Variants in ADAMTSL1 observed in about 807,000 individuals in gnomAD.
The protein encoded by ADAMTSL1 is ADAMTS-like protein 1.
ADAMTSL1 carries 126 observed loss-of-function variants against 201.8 expected under a neutral mutation model. The observed-to-expected ratio is 0.62, with a 90% CI of 0.54 to 0.72. The LOEUF is 0.72. Among genes scored for constraint, ADAMTSL1 ranks in the 30% least tolerant of loss-of-function variants. ADAMTSL1 has a pLI of 0.00. For missense variants in ADAMTSL1, 2,679 were observed against 2,277.8 expected, an observed-to-expected ratio of 1.18 and a Z score of -3.59; for synonymous variants, 1,121 against 903.4, an observed-to-expected ratio of 1.24 and a Z score of -4.32.
intron 2 of ADAMTSL1, among the ~76,000 whole-genome samples, chr9:18,422,607 C>CTT (rs1587150138): frequency 1.3e-5 from 2 of 152,272 alleles, no homozygotes; most frequent in East Asian, 3.9e-4. Context: ...CCTCCGTGTC[C>CTT]TTTTACCATC....
chr9:18,605,840 G>T (rs372518223), intron 4 of ADAMTSL1, among the ~76,000 whole-genome samples: 1 of 152,154 alleles, frequency 6.6e-6, no homozygotes, highest in Non-Finnish European at 1.5e-5. Flanking sequence ...GTATAAAGGT[G>T]CTTTGATATT....
intron 2 of ADAMTSL1, among the ~76,000 whole-genome samples, chr9:18,325,709 A>G (rs1342301568): frequency 1.3e-5 from 2 of 151,246 alleles, no homozygotes; most frequent in Non-Finnish European, 2.9e-5. Context: ...TAAGCTAGCT[A>G]GGTGTTGCCT....
At position 18,659,677 on chromosome 9, in the gene ADAMTSL1, G is replaced by C. The variant is rs553666918; in HGVS notation, c.946+1927G>C. On this transcript the variant is annotated intron_variant, in intron 8 of 28. Coordinates refer to ENST00000380548, the MANE Select transcript of ADAMTSL1 (RefSeq NM_001040272.6). The stretch of plus-strand genomic sequence containing the variant: ...AGCTACTTGGGAGGCTGAGGCATGA[G>C]AATTGCTTGAAACCAGGAGGCAGAG... 2.6e-5 allele frequency among the ~76,000 whole-genome samples: 4 copies of C among 152,284 alleles called. No homozygotes were observed. In the South Asian group the frequency reaches 8.3e-4, roughly 32 times the overall value.
chr9:18,754,042 A>G (rs934557685), intron 16 of ADAMTSL1, among the ~76,000 whole-genome samples: 42 of 152,232 alleles, frequency 2.8e-4, no homozygotes, highest in African/African-American at 8.7e-4. Context: ...ACAGGGGTTG[A>G]CAAACTGCAG....
chr9:18,886,166 GTATATATATATATATATATA>G lies in ADAMTSL1; in HGVS notation c.4250-1638_4250-1619del, dbSNP rs751978972. 3.2e-4 allele frequency among the ~76,000 whole-genome samples: 12 copies of G among 37,146 alleles called. No homozygotes were observed. In the South Asian group the frequency reaches 3.9e-3, roughly 12 times the overall value. The allele number at this position is 37,146 out of a possible 152,430, so 24.4% of individuals were successfully genotyped here. A position where few individuals can be genotyped will look rare whatever the true frequency, so the allele number is the denominator to read the frequency against. On this transcript the variant is annotated intron_variant, in intron 23 of 28. Transcript: ENST00000380548. ...TATATATACATGTGAGTGTGTATGTGTATATATATATATATATATATATATATATATATATATATATATAT... is the reference window on the plus strand; with the variant it reads ...TATATATACATGTGAGTGTGTATGTGTATATATATATATATATATATATAT...
intron 2 of ADAMTSL1, among the ~76,000 whole-genome samples, chr9:18,522,599 C>A (rs1048824111): frequency 2.2e-5 from 3 of 137,632 alleles, no homozygotes; most frequent in African/African-American, 8.6e-5. Flanking sequence ...CCTCCCCACA[C>A]CCCATGACAG....
At chr9:18,658,405 G>A (rs1404861543) in intron 8 of ADAMTSL1, among the ~76,000 whole-genome samples, 1 of 152,206 alleles carries the variant, frequency 6.6e-6, no homozygotes, top group African/African-American at 2.4e-5. Context: ...TGTGGTTGAA[G>A]TAAAGTCATC....
chr9:18,845,017 TC>T (rs1466600623), intron 23 of ADAMTSL1, among the ~76,000 whole-genome samples: 1 of 152,196 alleles, frequency 6.6e-6, no homozygotes, highest in East Asian at 1.9e-4. Flanking sequence ...TCGCCCTGCT[TC>T]GGCTCATGCA....
chr9:18,897,610 C>T (rs1354675728), intron 26 of ADAMTSL1, among the ~76,000 whole-genome samples: 5 of 152,192 alleles, frequency 3.3e-5, no homozygotes, highest in Non-Finnish European at 7.3e-5. Context: ...GATCCCCCAG[C>T]AAACTGCAGC....
intron 2 of ADAMTSL1, among the ~76,000 whole-genome samples, chr9:18,530,957 G>A (rs554910076): frequency 3.7e-4 from 56 of 152,248 alleles, no homozygotes; most frequent in African/African-American, 1.3e-3. Context: ...GTCTAGATGG[G>A]ATGCTACCAA....
chr9:17,916,751 C>T (rs1450202045), intron 1 of ADAMTSL1, among the ~76,000 whole-genome samples: 2 of 152,160 alleles, frequency 1.3e-5, no homozygotes, highest in Non-Finnish European at 2.9e-5. Context: ...CTTTGTTCTT[C>T]ATATTTCAAG....
intron 23 of ADAMTSL1, 65 bp from the exon 24 acceptor site, chr9:18,887,766 C>G: frequency 1.4e-6 from 2 of 1,411,704 alleles, no homozygotes; most frequent in Non-Finnish European, 2.0e-6. Flanking sequence ...AGACAGTAAA[C>G]CAGTGCACCA....
intron 4 of ADAMTSL1, among the ~76,000 whole-genome samples, chr9:18,582,458 G>A (rs1823161006): frequency 6.6e-6 from 1 of 152,200 alleles, no homozygotes; most frequent in Admixed American, 6.5e-5. Flanking sequence ...TGTTGTGGGA[G>A]GAACCCGGTG....
At chr9:18,646,219 T>C (rs1827801665) in intron 7 of ADAMTSL1, among the ~76,000 whole-genome samples, 2 of 152,062 alleles carry the variant, frequency 1.3e-5, no homozygotes, top group African/African-American at 4.8e-5. Flanking sequence ...AGAATGCTTG[T>C]GATTTTTGTA....
intron 4 of ADAMTSL1, among the ~76,000 whole-genome samples, chr9:18,607,064 T>G (rs1176805199): frequency 6.6e-6 from 1 of 152,150 alleles, no homozygotes; most frequent in Non-Finnish European, 1.5e-5. Context: ...TAAGCCTTGC[T>G]CTTAACACAC....
At chr9:18,104,468 C>T (rs144410880) in intron 1 of ADAMTSL1, among the ~76,000 whole-genome samples, 21 of 152,158 alleles carry the variant, frequency 1.4e-4, no homozygotes, top group Non-Finnish European at 2.6e-4. Context: ...CTGCCAGCTT[C>T]CAGTCACCAC....
chr9:18,164,923 T>A (rs1402835606), intron 2 of ADAMTSL1, among the ~76,000 whole-genome samples: 2 of 151,878 alleles, frequency 1.3e-5, no homozygotes, highest in African/African-American at 4.8e-5. Flanking sequence ...TTTTTGTCAT[T>A]TACATTTTTT....
intron 7 of ADAMTSL1, among the ~76,000 whole-genome samples, chr9:18,648,384 T>A (rs373800595): frequency 6.6e-6 from 1 of 151,976 alleles, no homozygotes; most frequent in Non-Finnish European, 1.5e-5. Context: ...TTAGTCCATT[T>A]ACATTTAAAG....
At chr9:18,047,051 A>G (rs1290311022) in intron 1 of ADAMTSL1, among the ~76,000 whole-genome samples, 2 of 152,180 alleles carry the variant, frequency 1.3e-5, no homozygotes, top group African/African-American at 4.8e-5. Flanking sequence ...ATGACTACAT[A>G]GGATAATGGG....
Sources: allele counts gnomAD v4.1 joint callset (sites outside exome capture counted in the v4.1 genomes callset), GRCh38; gene constraint gnomAD v4.1.1; transcripts MANE v1.5; gene names NCBI Gene and HGNC (gene_info 2026-07-23, HGNC 2026-07-21).